The following TEX36 variants were observed in gnomAD, a reference collection of about 807,000 sequenced individuals.
TEX36 encodes testis-expressed protein 36.
A neutral mutation model predicts 13.6 loss-of-function variants in TEX36; 12 were observed. The ratio of observed to expected loss-of-function variants is 0.88; its 90% CI spans 0.56 to 1.43. TEX36 has a LOEUF of 1.43. Ranked by LOEUF, TEX36 falls within the 40% of genes most tolerant of loss-of-function variation. The pLI, the probability that TEX36 is intolerant of heterozygous loss-of-function variation, is 0.00. For synonymous variants in TEX36, 93 were observed against 83.0 expected, an observed-to-expected ratio of 1.12 and a Z score of -0.65; for missense variants, 224 against 228.3, an observed-to-expected ratio of 0.98 and a Z score of 0.12.
At chr10:125,589,662 T>C (rs925600986) in intron 3 of TEX36, among the ~76,000 whole-genome samples, 1 of 152,240 alleles carries the variant, frequency 6.6e-6, no homozygotes, top group Non-Finnish European at 1.5e-5. Flanking sequence ...ATAAATTATG[T>C]CAATAGATTT....
intron 3 of TEX36, among the ~76,000 whole-genome samples, chr10:125,607,028 C>T (rs537003447): frequency 2.6e-5 from 4 of 152,154 alleles, no homozygotes; most frequent in Non-Finnish European, 5.9e-5. Context: ...CAGCAGGATG[C>T]CTTCATTCAC....
chr10:125,621,764 T>C lies in TEX36; in HGVS notation c.265-119A>G, dbSNP rs1846431974. On this transcript the variant is annotated intron_variant, in intron 3 of 3. Transcript: ENST00000526819. ...GGCCCAAGAGCCCCCCAGAAGCCAC[T>C]GGTTCAAGTCCCAGAGTCCAAAGGC... is the stretch of plus-strand genomic sequence containing the variant. 11 of 419,446 alleles carry C rather than the reference T, an allele frequency of 2.6e-5. No homozygotes were observed. The Admixed American group carries it at 3.1e-4, about 12-fold the overall frequency. 26.0% of individuals were successfully genotyped at this position (419,446 alleles called of 1,614,324 possible). A position where few individuals can be genotyped will look rare whatever the true frequency, so the allele number is the denominator to read the frequency against.
intron 3 of TEX36, among the ~76,000 whole-genome samples, chr10:125,612,382 G>A (rs1274412612): frequency 1.5e-4 from 23 of 151,968 alleles, no homozygotes; most frequent in Admixed American, 1.3e-3. Context: ...TCGAACCCCA[G>A]CACCCATCAA....
chr10:125,651,216 T>A, downstream of TEX36, among the ~76,000 whole-genome samples: 1 of 152,116 alleles, frequency 6.6e-6, no homozygotes, highest in Non-Finnish European at 1.5e-5. Flanking sequence ...TAGACCAATA[T>A]CCCTGATGAA....
chr10:125,640,632 A>G (rs1846676582), intron 3 of TEX36, among the ~76,000 whole-genome samples: 1 of 152,180 alleles, frequency 6.6e-6, no homozygotes. Flanking sequence ...CATCCTCAAC[A>G]TGGCACCAGG....
intron 1 of TEX36, among the ~76,000 whole-genome samples, chr10:125,665,095 G>C (rs1415894571): frequency 1.3e-5 from 2 of 151,968 alleles, no homozygotes; most frequent in Non-Finnish European, 2.9e-5. Flanking sequence ...TGTTGTTGTT[G>C]TTGTTTTACA....
chr10:125,618,945 A>AAG (rs1846393046), downstream of TEX36, among the ~76,000 whole-genome samples: 2 of 114,788 alleles, frequency 1.7e-5, no homozygotes, highest in Non-Finnish European at 3.5e-5. Flanking sequence ...TCTCTACTAA[A>AAG]AAAAAAAAAA....
chr10:125,663,907 G>A (rs1360315137), intron 1 of TEX36, among the ~76,000 whole-genome samples: 4 of 152,006 alleles, frequency 2.6e-5, no homozygotes, highest in African/African-American at 7.2e-5. Context: ...ATGATTGACT[G>A]TAGTCACCCC....
In TEX36 at chr10:125,661,083, A is replaced by G; in HGVS notation, c.202T>C (p.Phe68Leu). The G allele has an allele frequency of 5.2e-6, 8 of 1,551,976 alleles. No homozygotes were observed. Among genetic ancestry groups the G allele is most frequent in the Non-Finnish European group, 7.0e-6 (8 of 1,147,038 alleles). ...CGATTGTCATGCACGGAGAAGGGGA[A>G]CTGGTTATTCACTGCTTGCTGGAAA... ...VREKQAVNNQ[F>L]PFSVHDNRHS... The change falls in exon 3 of 4, where the codon TTC (phenylalanine) becomes CTC (leucine). Residue 68 changes from phenylalanine (F) to leucine (L), a missense_variant. By Grantham distance (22) the Phe-to-Leu change is conservative. Transcript: ENST00000368821.
At chr10:125,595,571 C>T (rs1033125066) in intron 3 of TEX36, among the ~76,000 whole-genome samples, 2 of 152,174 alleles carry the variant, frequency 1.3e-5, no homozygotes, top group African/African-American at 2.4e-5. Flanking sequence ...CCTCTGTGCT[C>T]CTCCCCAGCC....
rs186360342 is a variant in TEX36 at position 125,590,263 on chromosome 10, C to T, written c.265-13389G>A. On this transcript the variant is annotated intron_variant, in intron 3 of 3. Coordinates refer to the TEX36 transcript ENST00000532135. ...TAGCCAGGACTACAGGTGAGTGGCA[C>T]CACACCCAGCTAATTTTTTAAAAAA... 6.8e-3 allele frequency among the ~76,000 whole-genome samples: 1,029 copies of T among 152,126 alleles called. 8 individuals carry two copies. Among genetic ancestry groups the T allele is most frequent in the Non-Finnish European group, 0.01 (691 of 67,988 alleles).
At chr10:125,660,395 G>A (rs1847015794) in intron 3 of TEX36, among the ~76,000 whole-genome samples, 1 of 152,312 alleles carries the variant, frequency 6.6e-6, no homozygotes, top group African/African-American at 2.4e-5. Flanking sequence ...AAACTGCTGG[G>A]ATTTCAGGGC....
At position 125,642,685 on chromosome 10, in the gene TEX36, T is replaced by C. The variant is rs939361941; in HGVS notation, c.264+18336A>G. On this transcript the variant is annotated intron_variant, in intron 3 of 3. Coordinates refer to the TEX36 transcript ENST00000526819. ...TTTTTGTTTTTTTGTGTTTTCTATT[T>C]CAAACCTTCTGTTTAGGCTGAGCAG... Among the ~76,000 whole-genome samples, 14 of 152,310 alleles carry C rather than the reference T, an allele frequency of 9.2e-5. No individual in the cohort carries two copies. In the East Asian group the frequency reaches 2.3e-3, roughly 25 times the overall value.
At position 125,683,028 on chromosome 10, in the gene TEX36, T is replaced by G. The variant is rs938306484; in HGVS notation, c.-39A>C. ...CTGAATGTGGCTGAGATTGGCTCCC[T>G]CACCTCTCCATAAGCTCTACATGTC... is the stretch of plus-strand genomic sequence containing the variant. On this transcript the variant is annotated 5_prime_UTR_variant, in exon 1 of 4. The change abolishes the stop of an existing upstream ORF in the 5' untranslated region. Transcript: ENST00000368821. 6 of 1,550,658 alleles carry G rather than the reference T, an allele frequency of 3.9e-6. No homozygotes were observed. The highest frequency in any genetic ancestry group is 5.2e-6 in the Non-Finnish European group (6 of 1,146,038).
intron 3 of TEX36, among the ~76,000 whole-genome samples, chr10:125,616,137 T>C (rs1846354890): frequency 6.6e-6 from 1 of 152,348 alleles, no homozygotes; most frequent in Non-Finnish European, 1.5e-5. Context: ...ATATCCCCTT[T>C]ACCATTTTTT....
intron 1 of TEX36, among the ~76,000 whole-genome samples, chr10:125,669,990 C>T (rs1847197072): frequency 6.6e-6 from 1 of 152,226 alleles, no homozygotes; most frequent in South Asian, 2.1e-4. Context: ...TTTATCCAGT[C>T]TATCATTGAT....
chr10:125,629,682 G>A (rs928971434), intron 3 of TEX36, among the ~76,000 whole-genome samples: 3 of 152,144 alleles, frequency 2.0e-5, no homozygotes, highest in African/African-American at 7.2e-5. Context: ...ATATGGCATT[G>A]TTAAATTAAC....
chr10:125,634,695 A>G (rs958937355), intron 3 of TEX36, among the ~76,000 whole-genome samples: 1 of 152,238 alleles, frequency 6.6e-6, no homozygotes, highest in East Asian at 1.9e-4. Context: ...GATAGCGCCC[A>G]TTTTGTTAAA....
At chr10:125,629,879 G>T (rs1299351522) in intron 3 of TEX36, among the ~76,000 whole-genome samples, 1 of 151,974 alleles carries the variant, frequency 6.6e-6, no homozygotes, top group Non-Finnish European at 1.5e-5. Context: ...CCTGCCCTTT[G>T]GATGAAATTT....
Sources: gnomAD v4.1 joint callset for allele counts (sites outside exome capture counted in the v4.1 genomes callset) on GRCh38, gnomAD v4.1.1 for gene constraint, MANE v1.5 for transcripts, NCBI Gene and HGNC (gene_info 2026-07-23, HGNC 2026-07-21) for gene names.